Variants in KCNJ3 observed in about 807,000 individuals in gnomAD.
The protein encoded by KCNJ3 is potassium inwardly rectifying channel subfamily J member 3.
In KCNJ3, 4 loss-of-function variants were observed where a neutral mutation model predicts 39.2. That is an observed-to-expected ratio of 0.10 (90% CI 0.05 to 0.23). The LOEUF is 0.23. KCNJ3 is among the 10% of genes least tolerant of loss of function. KCNJ3 has a pLI of 1.00. For missense variants in KCNJ3, 276 were observed against 634.9 expected (o/e 0.43, Z 6.08); for synonymous variants, 230 against 237.4 (o/e 0.97, Z 0.29).
At chr2:154,714,854 T>A (rs192848669) in intron 2 of KCNJ3, among the ~76,000 whole-genome samples, 2 of 152,316 alleles carry the variant, frequency 1.3e-5, no homozygotes, top group Admixed American at 6.5e-5. Flanking sequence ...ACTTATGTAA[T>A]GTGGGATACA....
Position 154,727,609 on chromosome 2 carries a change from A to G in KCNJ3, c.919+17790A>G, listed in dbSNP as rs919536738. 3.9e-3 allele frequency among the ~76,000 whole-genome samples: 594 copies of G among 151,046 alleles called. 6 individuals carry two copies. The highest frequency in any genetic ancestry group is 0.012 in the African/African-American group (504 of 41,204). ...ACTCCGTCAAAAAAAAAAAAAAAAAAAGAGAGAAAAAGAGTATGAATTAAA... is the reference window on the plus strand; with the variant it reads ...ACTCCGTCAAAAAAAAAAAAAAAAAGAGAGAGAAAAAGAGTATGAATTAAA... On this transcript the variant is annotated intron_variant, in intron 2 of 2. Transcript: ENST00000295101.
At chr2:154,770,191 G>A (rs1686214402) in intron 2 of KCNJ3, among the ~76,000 whole-genome samples, 1 of 152,100 alleles carries the variant, frequency 6.6e-6, no homozygotes. Context: ...GCTTTACTTT[G>A]CTTCATTACA....
rs1185658454 is a variant in KCNJ3 at position 154,699,882 on chromosome 2, CA to C, written c.702+406del. On this transcript the variant is annotated intron_variant, in intron 1 of 2. Coordinates refer to ENST00000295101, the MANE Select transcript of KCNJ3 (RefSeq NM_002239.4). The surrounding 1 kb of genome is among the most constrained non-coding windows in gnomAD (Gnocchi z 6.4). ...TGCGAGGTACTAGAACTCAACTGAA[CA>C]GCTGTTATTTTGAAGAAATAGGTGC... 6.6e-6 allele frequency among the ~76,000 whole-genome samples: 1 copy of C among 152,156 alleles called. No homozygotes were observed. The highest frequency in any genetic ancestry group is 1.5e-5 in the Non-Finnish European group (1 of 68,034).
chr2:154,794,664 G>A (rs1408304680), intron 2 of KCNJ3, among the ~76,000 whole-genome samples: 1 of 151,974 alleles, frequency 6.6e-6, no homozygotes, highest in Non-Finnish European at 1.5e-5. Context: ...AAGTCATAAT[G>A]AATCTCATTG....
At chr2:154,830,203 TC>T (rs1687339767) in intron 2 of KCNJ3, among the ~76,000 whole-genome samples, 1 of 152,300 alleles carries the variant, frequency 6.6e-6, no homozygotes, top group Non-Finnish European at 1.5e-5. Context: ...TCCTCAGGCT[TC>T]TCCAACTCAA....
chr2:154,838,966 C>CT (rs1168500016), intron 2 of KCNJ3, among the ~76,000 whole-genome samples: 1 of 151,974 alleles, frequency 6.6e-6, no homozygotes, highest in African/African-American at 2.4e-5. Flanking sequence ...TTTTATTATA[C>CT]TTTAAGTTCT....
intron 2 of KCNJ3, among the ~76,000 whole-genome samples, chr2:154,819,390 C>T (rs2961977): frequency 0.2 from 30,532 of 151,992 alleles, 3,472 homozygotes; most frequent in East Asian, 0.46. Context: ...GACAAATAAT[C>T]AATGCTTAAT....
At chr2:154,788,472 G>A (rs1185998675) in intron 2 of KCNJ3, among the ~76,000 whole-genome samples, 1 of 151,956 alleles carries the variant, frequency 6.6e-6, no homozygotes, top group Non-Finnish European at 1.5e-5. Context: ...TTTGAATTTT[G>A]CAGAAAAAGC....
chr2:154,817,142 G>C (rs1687097169), intron 2 of KCNJ3, among the ~76,000 whole-genome samples: 1 of 152,032 alleles, frequency 6.6e-6, no homozygotes, highest in Non-Finnish European at 1.5e-5. Context: ...CTGATAATAA[G>C]AACCTATGTT....
chr2:154,707,614 T>C (rs1294882859), intron 1 of KCNJ3, among the ~76,000 whole-genome samples: 1 of 152,120 alleles, frequency 6.6e-6, no homozygotes, highest in Non-Finnish European at 1.5e-5. Flanking sequence ...AAATATATCT[T>C]CTTTGGGGAA....
rs559654341 is a variant in KCNJ3 at position 154,709,592 on chromosome 2, T to C, written c.703-11T>C. 1 of 1,611,252 alleles carries C rather than the reference T, an allele frequency of 6.2e-7. No homozygotes were observed. The highest frequency in any genetic ancestry group is 2.2e-5 in the East Asian group (1 of 44,832). On this transcript the variant is annotated splice_polypyrimidine_tract_variant and intron_variant, in intron 1 of 2. Transcript: ENST00000295101. ...TGGTGATTTCTTCTCTTTTTCTGTG[T>C]GCTTGTCTAGTCTCGGCAGACACCT...
chr2:154,741,495 TC>T (rs1685653430), intron 2 of KCNJ3, among the ~76,000 whole-genome samples: 1 of 151,938 alleles, frequency 6.6e-6, no homozygotes, highest in Non-Finnish European at 1.5e-5. Context: ...TGACAGAGAA[TC>T]GATTGTGTTA....
chr2:154,731,926 C>T (rs1685455706), intron 2 of KCNJ3, among the ~76,000 whole-genome samples: 1 of 151,830 alleles, frequency 6.6e-6, no homozygotes, highest in Admixed American at 6.6e-5. Flanking sequence ...GCTAGTATAG[C>T]AATAGTGTAT....
At chr2:154,730,858 C>G (rs1309447093) in intron 2 of KCNJ3, among the ~76,000 whole-genome samples, 1 of 151,958 alleles carries the variant, frequency 6.6e-6, no homozygotes, top group Non-Finnish European at 1.5e-5. Context: ...CAAATCACAC[C>G]CTGCACTAAC....
chr2:154,838,181 C>T (rs1022911944), intron 2 of KCNJ3, among the ~76,000 whole-genome samples: 4 of 152,112 alleles, frequency 2.6e-5, no homozygotes, highest in Admixed American at 2.0e-4. Flanking sequence ...AAGAGCATTT[C>T]GTCAGCCTTG....
At chr2:154,803,773 G>A (rs1192655674) in intron 2 of KCNJ3, among the ~76,000 whole-genome samples, 1 of 151,954 alleles carries the variant, frequency 6.6e-6, no homozygotes, top group African/African-American at 2.4e-5. Context: ...ATTGTGGTAT[G>A]GAGATGAAAT....
chr2:154,728,299 A>C (rs1685392873), intron 2 of KCNJ3, among the ~76,000 whole-genome samples: 1 of 152,116 alleles, frequency 6.6e-6, no homozygotes, highest in Non-Finnish European at 1.5e-5. Context: ...CTTGTGTCTT[A>C]ATTTTATCTA....
chr2:154,843,262 G>T (rs1454242732), intron 2 of KCNJ3, among the ~76,000 whole-genome samples: 1 of 152,134 alleles, frequency 6.6e-6, no homozygotes, highest in African/African-American at 2.4e-5. Context: ...TTGAATATTG[G>T]CCTCCACTCT....
chr2:154,712,620 G>C (rs1246806115), intron 2 of KCNJ3, among the ~76,000 whole-genome samples: 1 of 152,066 alleles, frequency 6.6e-6, no homozygotes, highest in Non-Finnish European at 1.5e-5. Context: ...CTTTCCTCAG[G>C]GGGGTTATAT....
Sources: gnomAD v4.1 joint callset for allele counts (sites outside exome capture counted in the v4.1 genomes callset) on GRCh38, gnomAD v4.1.1 for gene constraint, Gnocchi (gnomAD v3.1) non-coding constraint, MANE v1.5 for transcripts, NCBI Gene and HGNC (gene_info 2026-07-23, HGNC 2026-07-21) for gene names.